Variants in SP110 observed in about 807,000 individuals in gnomAD.
The protein encoded by SP110 is interferon-induced protein 41, 30kD.
In SP110, 62 loss-of-function variants were observed where a neutral mutation model predicts 92.7. That is an observed-to-expected ratio of 0.67 (90% CI 0.55 to 0.83). The LOEUF (loss-of-function observed/expected upper bound fraction) is 0.83, where lower values mean the gene tolerates loss of function less well. Among genes scored for constraint, SP110 ranks in the 40% least tolerant of loss-of-function variants. The pLI is 0.00. For missense variants in SP110, 793 were observed against 863.9 expected (o/e 0.92, Z 1.03); for synonymous variants, 273 against 305.3 (o/e 0.89, Z 1.10).
intron 11 of SP110, 89 bp from the exon 12 acceptor site, chr2:230,183,729 T>C: frequency 1.1e-6 from 1 of 896,832 alleles, no homozygotes. Flanking sequence ...TTTTCCTGTT[T>C]TTCTACCAGT....
chr2:230,210,043 G>C (rs41309102), intron 6 of SP110, 35 bp from the exon 7 acceptor site: 72 of 1,306,336 alleles, frequency 5.5e-5, no homozygotes, highest in Non-Finnish European at 6.6e-5. Context: ...TCAGAGCTCA[G>C]ATCCAGTGAA....
chr2:230,202,859 AC>A, intron 8 of SP110, 131 bp from the exon 9 acceptor site: 1 of 845,348 alleles, frequency 1.2e-6, no homozygotes, highest in Non-Finnish European at 2.0e-6. Flanking sequence ...CCTGTACCTC[AC>A]TTTTCTCCTC....
At chr2:230,205,904 T>C (rs1391553093) in intron 8 of SP110, among the ~76,000 whole-genome samples, 1 of 152,044 alleles carries the variant, frequency 6.6e-6, no homozygotes, top group Non-Finnish European at 1.5e-5. Context: ...GAAGTGTGAG[T>C]TGAATAATCT....
chr2:230,221,763 G>A (rs2045840006), upstream of SP110: 2 of 1,531,666 alleles, frequency 1.3e-6, no homozygotes, highest in Admixed American at 2.0e-5. Context: ...GATCCTGGCA[G>A]CAAGAACTTC....
intron 3 of SP110, among the ~76,000 whole-genome samples, chr2:230,213,417 G>A (rs1292750280): frequency 2.0e-5 from 3 of 152,046 alleles, no homozygotes; most frequent in African/African-American, 7.2e-5. Flanking sequence ...ATACTTCCCC[G>A]AAGCAAATAA....
Position 230,168,917 on chromosome 2 carries a change from A to ATTT in SP110, c.*204_*206dup, listed in dbSNP as rs1553839905. 3.8e-5 allele frequency: 16 copies of ATTT among 424,720 alleles called. 1 individual carries two copies. The highest frequency in any genetic ancestry group is 8.2e-5 in the African/African-American group (4 of 48,878). The allele number at this position is 424,720 out of a possible 1,614,324, so 26.3% of individuals were successfully genotyped here. On this transcript the variant is annotated 3_prime_UTR_variant, in exon 19 of 19. Coordinates refer to ENST00000258381, the MANE Select transcript of SP110 (RefSeq NM_080424.4). Reference sequence around the variant, plus strand: ...ATCTGATGGTATTAAGGAAGTATTAATTTTTTTTTTTTTTAGTGTAGATAT... The same window carrying ATTT: ...ATCTGATGGTATTAAGGAAGTATTAATTTTTTTTTTTTTTTTTAGTGTAGATAT...
chr2:230,175,130 C>T (rs889832723), intron 14 of SP110, among the ~76,000 whole-genome samples: 16 of 151,998 alleles, frequency 1.1e-4, no homozygotes, highest in African/African-American at 3.9e-4. Flanking sequence ...GGCATATGTC[C>T]CTGTGATCTC....
chr2:230,218,013 G>A (rs1425270317), intron 1 of SP110, among the ~76,000 whole-genome samples: 1 of 152,188 alleles, frequency 6.6e-6, no homozygotes, highest in Non-Finnish European at 1.5e-5. Context: ...TCAGACATGC[G>A]CCTTTTCCCA....
At chr2:230,199,176 T>C (rs1457303807) in intron 10 of SP110, among the ~76,000 whole-genome samples, 9 of 149,162 alleles carry the variant, frequency 6.0e-5, no homozygotes, top group African/African-American at 2.2e-4. Context: ...TGGGGTGAGG[T>C]TTGCTGTCAC....
intron 12 of SP110, 30 bp from the exon 13 acceptor site, chr2:230,178,285 A>C: frequency 6.9e-6 from 9 of 1,309,794 alleles, no homozygotes; most frequent in Non-Finnish European, 9.9e-6. Flanking sequence ...GTTTTGTGTT[A>C]TTCAGTCTTC....
upstream of SP110, among the ~76,000 whole-genome samples, chr2:230,223,300 G>T (rs1384667348): frequency 6.6e-6 from 1 of 152,156 alleles, no homozygotes; most frequent in Non-Finnish European, 1.5e-5. Flanking sequence ...CTCCCGAAGT[G>T]CTGGGGTTAT....
chr2:230,181,713 A>T (rs1262054070), intron 12 of SP110, among the ~76,000 whole-genome samples: 2 of 152,206 alleles, frequency 1.3e-5, no homozygotes, highest in East Asian at 3.8e-4. Flanking sequence ...GCTCCACATC[A>T]CTGAGCATTA....
intron 16 of SP110, 26 bp from the exon 17 acceptor site, chr2:230,171,793 A>C: frequency 1.3e-6 from 2 of 1,546,302 alleles, no homozygotes; most frequent in Non-Finnish European, 1.8e-6. Context: ...AGGGCTTGAA[A>C]GTGAAATGCA....
Position 230,212,824 on chromosome 2 carries a change from G to A in SP110, c.520C>T (p.Pro174Ser). 6.2e-7 allele frequency: 1 copy of A among 1,614,126 alleles called. No individual in the cohort carries two copies. Among genetic ancestry groups the A allele is most frequent in the Non-Finnish European group, 8.5e-7 (1 of 1,180,016 alleles). Residue 174 changes from proline to serine, a missense_variant, in exon 4 of 19, where the codon CCC becomes TCC. Coordinates refer to ENST00000258381, the MANE Select transcript of SP110 (RefSeq NM_080424.4). ...GGCAGGACAGGGTCAGATGGGCTGG[G>A]CGACTCACTCAGGATCTCATCGCTT... ...QQSDEILSES[P>S]SPSDPVLPLP... is the part of the protein sequence containing the mutation.
At chr2:230,221,628 A>G (rs1221922989), upstream of SP110, 3 of 1,368,228 alleles carry the variant, frequency 2.2e-6, no homozygotes, top group Non-Finnish European at 3.0e-6. Context: ...ATGCAGTAAC[A>G]TACAGCGCTG....
At chr2:230,221,874 A>G, upstream of SP110, 2 of 714,994 alleles carry the variant, frequency 2.8e-6, no homozygotes, top group Non-Finnish European at 4.7e-6. Context: ...ATCAGGCAAA[A>G]ATTGTTACAT....
intron 16 of SP110, 73 bp downstream of exon 16, chr2:230,171,993 C>T: frequency 2.1e-6 from 2 of 975,402 alleles, no homozygotes; most frequent in Non-Finnish European, 3.3e-6. Context: ...GTACATTGCC[C>T]TGACCCTGTG....
intron 10 of SP110, 192 bp downstream of exon 10, chr2:230,200,693 A>G: frequency 3.2e-6 from 2 of 622,412 alleles, no homozygotes; most frequent in Middle Eastern, 8.6e-4. Flanking sequence ...GACACATTAC[A>G]TAAAATGGAC....
intron 1 of SP110, chr2:230,219,586 G>A (rs11679983): frequency 0.13 from 20,108 of 152,136 alleles, 1,605 homozygotes; most frequent in South Asian, 0.21. Context: ...GATAACAGAT[G>A]AGCCGCCTAT....
Sources: allele counts gnomAD v4.1 joint callset (sites outside exome capture counted in the v4.1 genomes callset), GRCh38; gene constraint gnomAD v4.1.1; transcripts MANE v1.5; gene names NCBI Gene and HGNC (gene_info 2026-07-23, HGNC 2026-07-21).